Variants in NEURL1 observed in about 807,000 individuals in gnomAD.
NEURL1 encodes E3 ubiquitin-protein ligase NEURL1.
In NEURL1, 26 loss-of-function variants were observed where a neutral mutation model predicts 41.2. That is an observed-to-expected ratio of 0.63 (90% confidence interval 0.46 to 0.87). NEURL1 has a LOEUF of 0.87. Ranked by LOEUF, NEURL1 falls within the 40% of genes least tolerant of loss-of-function variation. NEURL1 has a pLI of 0.00. For missense variants in NEURL1, 761 were observed against 871.1 expected, an observed-to-expected ratio of 0.87 and a Z score of 1.59; for synonymous variants, 400 against 402.3, an observed-to-expected ratio of 0.99 and a Z score of 0.07.
intron 3 of NEURL1, among the ~76,000 whole-genome samples, chr10:103,580,043 T>A (rs1406734959): frequency 6.6e-6 from 1 of 152,082 alleles, no homozygotes; most frequent in Non-Finnish European, 1.5e-5. Context: ...CTCCTCCCTC[T>A]CCCAGACTCC....
At chr10:103,495,354 C>T (rs1448147094) in intron 1 of NEURL1, among the ~76,000 whole-genome samples, 1 of 152,212 alleles carries the variant, frequency 6.6e-6, no homozygotes, top group Non-Finnish European at 1.5e-5. Context: ...AAGGGAAGCC[C>T]TTGGGCTTTC....
rs201450152 is a variant in NEURL1 at position 103,573,657 on chromosome 10, AT to A, written c.649+1836del. Among the ~76,000 whole-genome samples, 913 of 150,930 alleles carry A rather than the reference AT, an allele frequency of 6.0e-3. 10 individuals are homozygous for A. Among genetic ancestry groups the A allele is most frequent in the Non-Finnish European group, 7.1e-3 (481 of 68,002 alleles). ...GAGCCTCAGGCTTCCCACCTGTATAATGGTTGTGAAGGCTTTGACTTAGCCC... is the reference window on the plus strand; with the variant it reads ...GAGCCTCAGGCTTCCCACCTGTATAAGGTTGTGAAGGCTTTGACTTAGCCC... On this transcript the variant is annotated intron_variant, in intron 3 of 5. Coordinates refer to ENST00000369780, the MANE Select transcript of NEURL1 (RefSeq NM_004210.5).
intron 1 of NEURL1, among the ~76,000 whole-genome samples, chr10:103,527,428 G>T (rs1258798859): frequency 6.6e-6 from 1 of 151,758 alleles, no homozygotes; most frequent in African/African-American, 2.4e-5. Context: ...CCAAGTAGCT[G>T]GGATTACAGG....
chr10:103,548,682 CAG>C (rs1385541994), intron 1 of NEURL1, among the ~76,000 whole-genome samples: 1 of 152,244 alleles, frequency 6.6e-6, no homozygotes, highest in Non-Finnish European at 1.5e-5. Flanking sequence ...AAGGCTGGGA[CAG>C]AGACTTTAGT....
intron 1 of NEURL1, among the ~76,000 whole-genome samples, chr10:103,510,945 C>G (rs556052674): frequency 6.6e-6 from 1 of 152,298 alleles, no homozygotes; most frequent in African/African-American, 2.4e-5. Flanking sequence ...GGCCACCCCC[C>G]GCCGCTGTTT....
chr10:103,501,296 G>T (rs772879927), intron 1 of NEURL1, among the ~76,000 whole-genome samples: 86 of 152,166 alleles, frequency 5.7e-4, no homozygotes, highest in Non-Finnish European at 9.3e-4. Flanking sequence ...AAGGCAGGCT[G>T]GGGAGAGGAG....
chr10:103,539,290 T>G (rs2034768347), intron 1 of NEURL1, among the ~76,000 whole-genome samples: 1 of 152,222 alleles, frequency 6.6e-6, no homozygotes, highest in Admixed American at 6.5e-5. Flanking sequence ...ATATATTTAC[T>G]TTGGTGAAGT....
At chr10:103,553,667 G>C (rs1175813713) in intron 1 of NEURL1, among the ~76,000 whole-genome samples, 1 of 152,188 alleles carries the variant, frequency 6.6e-6, no homozygotes, top group African/African-American at 2.4e-5. Flanking sequence ...CTTGAGCTGC[G>C]GGCTCAGGAC....
intron 1 of NEURL1, among the ~76,000 whole-genome samples, chr10:103,567,235 C>T (rs559376511): frequency 6.6e-6 from 1 of 152,230 alleles, no homozygotes; most frequent in South Asian, 2.1e-4. Flanking sequence ...CCGCCTGCCT[C>T]AGCCTCCCAA....
At chr10:103,513,320 G>A (rs759199715) in intron 1 of NEURL1, among the ~76,000 whole-genome samples, 4 of 152,256 alleles carry the variant, frequency 2.6e-5, no homozygotes, top group Non-Finnish European at 4.4e-5. Flanking sequence ...TAAACCAGCC[G>A]GAACTGGGCC....
intron 1 of NEURL1, among the ~76,000 whole-genome samples, chr10:103,519,278 A>C (rs1314129583): frequency 2.0e-5 from 3 of 152,190 alleles, no homozygotes; most frequent in African/African-American, 4.8e-5. Context: ...AAAGAAAAAA[A>C]CACTTTTTTA....
At chr10:103,587,022 G>A (rs2035937858) in intron 4 of NEURL1, among the ~76,000 whole-genome samples, 1 of 152,084 alleles carries the variant, frequency 6.6e-6, no homozygotes, top group African/African-American at 2.4e-5. Context: ...CTGCATTCCA[G>A]CTTGGGCAAC....
At chr10:103,573,637 TC>T (rs1255700610) in intron 3 of NEURL1, among the ~76,000 whole-genome samples, 1 of 152,056 alleles carries the variant, frequency 6.6e-6, no homozygotes, top group Non-Finnish European at 1.5e-5. Context: ...TGCCTGAGCC[TC>T]AGGCTTCCCA....
In NEURL1 at chr10:103,494,277, G is replaced by A. The variant is rs1170930255; in HGVS notation, c.-111G>A. 2.5e-6 allele frequency: 2 copies of A among 798,002 alleles called. No individual in the cohort carries two copies. The highest frequency in any genetic ancestry group is 3.8e-6 in the Non-Finnish European group (2 of 524,460). The allele number at this position is 798,002 out of a possible 1,614,324, so 49.4% of individuals were successfully genotyped here. On this transcript the variant is annotated 5_prime_UTR_variant, in exon 1 of 6. Transcript: ENST00000369780. The stretch of plus-strand genomic sequence containing the variant: ...CCGCCCCCGGCTGCAGCCCCAGCAG[G>A]GCCCTCCCCCGGTGGCGCGCACCCG...
Position 103,582,355 on chromosome 10 carries a change from C to G in NEURL1, c.650-2181C>G, listed in dbSNP as rs578033334. On this transcript the variant is annotated intron_variant, in intron 3 of 5. Coordinates refer to ENST00000369780, the MANE Select transcript of NEURL1 (RefSeq NM_004210.5). ...CCTACCTCCCCCCTGCACAGGCCCT[C>G]CTGGCCTCTGCCTCTGCCTCTCTGC... Among the ~76,000 whole-genome samples the G allele has an allele frequency of 3.6e-3, 555 of 152,304 alleles. 10 individuals carry two copies. Among genetic ancestry groups the G allele is most frequent in the Non-Finnish European group, 1.9e-3 (132 of 68,024 alleles).
chr10:103,555,873 T>C (rs2035142465), intron 1 of NEURL1, among the ~76,000 whole-genome samples: 2 of 152,122 alleles, frequency 1.3e-5, no homozygotes, highest in South Asian at 4.1e-4. Context: ...GCCTTGGAGA[T>C]GGTGCTGTGT....
rs1448928913 is a variant in NEURL1, at chr10:103,494,322, C to T, written c.-66C>T. 1 of 1,387,046 alleles carries T rather than the reference C, an allele frequency of 7.2e-7. No homozygotes were observed. The highest frequency in any genetic ancestry group is 9.9e-7 in the Non-Finnish European group (1 of 1,007,562). 85.9% of individuals were successfully genotyped at this position (1,387,046 alleles called of 1,614,324 possible). ...CACCCGCGCGCGCACACTCGCACACCGCACCTCAGCGCCTGCCCGGCCTCG... is the reference window on the plus strand; with the variant it reads ...CACCCGCGCGCGCACACTCGCACACTGCACCTCAGCGCCTGCCCGGCCTCG... On this transcript the variant is annotated 5_prime_UTR_variant, in exon 1 of 6. Transcript: ENST00000369780.
intron 1 of NEURL1, among the ~76,000 whole-genome samples, chr10:103,550,128 A>G (rs903659043): frequency 6.6e-6 from 1 of 152,166 alleles, no homozygotes; most frequent in African/African-American, 2.4e-5. Context: ...GAGTTCTGAG[A>G]GGGCAGGTTT....
In NEURL1 at chr10:103,556,054, G is replaced by A. The variant is rs372424937; in HGVS notation, c.86-14818G>A. On this transcript the variant is annotated intron_variant, in intron 1 of 5. Coordinates refer to ENST00000369780, the MANE Select transcript of NEURL1 (RefSeq NM_004210.5). This position sits in a 1 kb window ranked among gnomAD's most constrained non-coding sequence, Gnocchi z 4.4. ...ACAGCACCCCACAGCGCCTGACCTC[G>A]CTTCTCCAAGTGTGTGCTCTGTGGG... 7.2e-5 allele frequency among the ~76,000 whole-genome samples: 11 copies of A among 152,342 alleles called. No individual in the cohort carries two copies. The South Asian group carries it at 2.1e-3, about 29-fold the overall frequency.
Sources: allele counts gnomAD v4.1 joint callset (sites outside exome capture counted in the v4.1 genomes callset), GRCh38; gene constraint gnomAD v4.1.1; non-coding constraint Gnocchi (gnomAD v3.1); transcripts MANE v1.5; gene names NCBI Gene and HGNC (gene_info 2026-07-23, HGNC 2026-07-21).